Variants in SIRPD observed in about 807,000 individuals in gnomAD.
SIRPD encodes the protein signal regulatory protein delta.
Under a neutral mutation model 18.0 loss-of-function variants are expected in SIRPD, and 21 were observed. The observed-to-expected ratio is 1.17, with a 90% CI of 0.83 to 1.68. SIRPD has a LOEUF of 1.68. SIRPD is among the 40% of genes most tolerant of loss of function. SIRPD has a pLI of 0.00. For missense variants in SIRPD, 295 were observed against 238.4 expected, an observed-to-expected ratio of 1.24 and a Z score of -1.56; for synonymous variants, 106 against 92.9, an observed-to-expected ratio of 1.14 and a Z score of -0.81.
rs80106327 is a variant in SIRPD, at chr20:1,539,829, C to T, written c.422-2519G>A. On this transcript the variant is annotated intron_variant, in intron 2 of 3. Transcript: ENST00000381623. ...TATCTGATGTCTTCAGCCAGTTGCC[C>T]GCAAGGATCTGAGGCCTGCCAATAG... 5.8e-3 allele frequency among the ~76,000 whole-genome samples: 888 copies of T among 152,236 alleles called. 6 individuals are homozygous for T. The highest frequency in any genetic ancestry group is 9.5e-3 in the Non-Finnish European group (644 of 68,014).
chr20:1,556,322 C>G (rs2091041285), intron 1 of SIRPD, among the ~76,000 whole-genome samples: 1 of 152,040 alleles, frequency 6.6e-6, no homozygotes, highest in African/African-American at 2.4e-5. Context: ...TTAGCTTTTA[C>G]CTAAATATTT....
At chr20:1,540,034 TC>T (rs1439339074) in intron 2 of SIRPD, 1 of 239,062 alleles carries the variant, frequency 4.2e-6, no homozygotes, top group Non-Finnish European at 8.5e-6. Flanking sequence ...TTGTTTGAAA[TC>T]ACTAAGTTTT....
chr20:1,540,077 T>C, intron 2 of SIRPD: 1 of 323,526 alleles, frequency 3.1e-6, no homozygotes, highest in East Asian at 8.1e-5. Context: ...AGATGACTAA[T>C]ACAGATTTGT....
intron 2 of SIRPD, among the ~76,000 whole-genome samples, chr20:1,539,777 G>A (rs763581401): frequency 7.9e-5 from 12 of 152,308 alleles, no homozygotes; most frequent in African/African-American, 2.6e-4. Context: ...GTTGTGAGCT[G>A]TCCTATGGAG....
In SIRPD at chr20:1,541,166, C is replaced by T. The variant is rs138202240; in HGVS notation, c.422-3856G>A. ...CGGTATATACCCAGTAATGGGATTGCTGGGTCAAATGGTATTTCTAGTTCT... is the reference window on the plus strand; with the variant it reads ...CGGTATATACCCAGTAATGGGATTGTTGGGTCAAATGGTATTTCTAGTTCT... On this transcript the variant is annotated intron_variant, in intron 2 of 3. Coordinates refer to ENST00000381623, the MANE Select transcript of SIRPD (RefSeq NM_178460.3). 3.5e-3 allele frequency among the ~76,000 whole-genome samples: 527 copies of T among 152,258 alleles called. 1 individual carries two copies. The highest frequency in any genetic ancestry group is 4.7e-3 in the Non-Finnish European group (320 of 68,018).
chr20:1,538,146 C>T (rs1447324722), intron 2 of SIRPD, among the ~76,000 whole-genome samples: 2 of 152,192 alleles, frequency 1.3e-5, no homozygotes, highest in African/African-American at 4.8e-5. Context: ...GTGCCAGACA[C>T]TGCCTCCTGT....
At chr20:1,549,938 G>C (rs2091011355) in intron 2 of SIRPD, among the ~76,000 whole-genome samples, 1 of 152,030 alleles carries the variant, frequency 6.6e-6, no homozygotes, top group Non-Finnish European at 1.5e-5. Flanking sequence ...GCATAAATTT[G>C]GTACATTTCT....
At chr20:1,539,608 A>G (rs113569508) in intron 2 of SIRPD, among the ~76,000 whole-genome samples, 14 of 152,246 alleles carry the variant, frequency 9.2e-5, no homozygotes, top group African/African-American at 3.4e-4. Flanking sequence ...CCTGGCATTC[A>G]CCCCACTATG....
intron 1 of SIRPD, among the ~76,000 whole-genome samples, chr20:1,556,031 C>T (rs2091039696): frequency 6.6e-6 from 1 of 152,180 alleles, no homozygotes; most frequent in South Asian, 2.1e-4. Flanking sequence ...AGTTCATTGC[C>T]ATGTGGGCCT....
chr20:1,540,393 C>A, intron 2 of SIRPD: 1 of 450,616 alleles, frequency 2.2e-6, no homozygotes, highest in Non-Finnish European at 4.4e-6. Context: ...ATACAATTTA[C>A]ACATTTAAAA....
At chr20:1,540,719 C>A (rs2090967216) in intron 2 of SIRPD, among the ~76,000 whole-genome samples, 2 of 152,148 alleles carry the variant, frequency 1.3e-5, no homozygotes, top group South Asian at 4.1e-4. Context: ...ATACATGTGC[C>A]ATGGTCATTT....
At chr20:1,546,204 T>C (rs562739551) in intron 2 of SIRPD, among the ~76,000 whole-genome samples, 62 of 152,346 alleles carry the variant, frequency 4.1e-4, no homozygotes, top group African/African-American at 1.4e-3. Context: ...TTAAGTCTGC[T>C]GAAGCTGTGC....
At chr20:1,541,943 G>T (rs145611815) in intron 2 of SIRPD, among the ~76,000 whole-genome samples, 26,079 of 152,076 alleles carry the variant, frequency 0.17, 2,922 homozygotes, top group Non-Finnish European at 0.25. Context: ...AAGATCAGAT[G>T]GTTGTAGATG....
At position 1,534,341 on chromosome 20, in the gene SIRPD, ACT is replaced by A; in HGVS notation, c.*82_*83del. On this transcript the variant is annotated 3_prime_UTR_variant, in exon 4 of 4. Transcript: ENST00000381623. The stretch of plus-strand genomic sequence containing the variant: ...AGCTCTCTTGAAGAAGGCAAATGAA[ACT>A]CCTAAAAAGTAGCTGTCTCCAGGGA... 1 of 1,577,412 alleles carries A rather than the reference ACT, an allele frequency of 6.3e-7. No homozygotes were observed. The highest frequency in any genetic ancestry group is 1.2e-5 in the South Asian group (1 of 86,578).
chr20:1,548,550 A>G (rs1381252435), intron 2 of SIRPD, among the ~76,000 whole-genome samples: 1 of 152,032 alleles, frequency 6.6e-6, no homozygotes, highest in Admixed American at 6.5e-5. Context: ...CATATACGTA[A>G]GATATATTTG....
intron 3 of SIRPD, among the ~76,000 whole-genome samples, chr20:1,536,924 G>A (rs1424400723): frequency 2.0e-5 from 3 of 152,150 alleles, no homozygotes; most frequent in Non-Finnish European, 4.4e-5. Flanking sequence ...CGCCTGGATG[G>A]GAGAGAAAGC....
rs61002307 is a variant in SIRPD, at chr20:1,548,142, G to C, written c.421+3549C>G. On this transcript the variant is annotated intron_variant, in intron 2 of 3. Coordinates refer to ENST00000381623, the MANE Select transcript of SIRPD (RefSeq NM_178460.3). ...AAATGGTGATAGGAGATATCCTTGT[G>C]TTATTCTTGATCTACTGGGGACAGC... Among the ~76,000 whole-genome samples, 1,393 of 152,254 alleles carry C rather than the reference G, an allele frequency of 9.1e-3. 22 individuals are homozygous for C. Among genetic ancestry groups the C allele is most frequent in the African/African-American group, 0.033 (1,359 of 41,558 alleles).
chr20:1,556,516 T>C lies in SIRPD; in HGVS notation c.73+1065A>G, dbSNP rs376092522. ...TATGCCTCCGAAATATATGTTGAAG[T>C]CTTAACCACAAGTAGCTCAGAATGT... On this transcript the variant is annotated intron_variant, in intron 1 of 3. Transcript: ENST00000381623. Among the ~76,000 whole-genome samples the C allele has an allele frequency of 1.8e-4, 28 of 152,344 alleles. No individual in the cohort carries two copies. In the East Asian group the frequency reaches 2.1e-3, roughly 12 times the overall value.
chr20:1,546,967 A>G (rs955405065), intron 2 of SIRPD, among the ~76,000 whole-genome samples: 1 of 152,116 alleles, frequency 6.6e-6, no homozygotes, highest in Non-Finnish European at 1.5e-5. Context: ...TCTGTGGGTT[A>G]TCTTTTTACT....
Sources: allele counts gnomAD v4.1 joint callset (sites outside exome capture counted in the v4.1 genomes callset), GRCh38; gene constraint gnomAD v4.1.1; transcripts MANE v1.5; gene names NCBI Gene and HGNC (gene_info 2026-07-23, HGNC 2026-07-21).